The following PHACTR1 variants were observed in gnomAD, a reference collection of about 807,000 sequenced individuals.
PHACTR1 encodes the protein RPEL repeat containing 1.
PHACTR1 carries 16 observed loss-of-function variants against 69.2 expected under a neutral mutation model. The ratio of observed to expected loss-of-function variants is 0.23; its 90% confidence interval spans 0.16 to 0.35. The LOEUF is 0.35. PHACTR1 is among the 10% of genes least tolerant of loss of function. The pLI is 1.00. For synonymous variants in PHACTR1, 312 were observed against 284.5 expected, an observed-to-expected ratio of 1.10 and a Z score of -0.97; for missense variants, 510 against 734.7, an observed-to-expected ratio of 0.69 and a Z score of 3.54.
chr6:12,946,377 G>T (rs904314453), intron 4 of PHACTR1, among the ~76,000 whole-genome samples: 2 of 152,122 alleles, frequency 1.3e-5, no homozygotes, highest in Non-Finnish European at 2.9e-5. Context: ...TACTAACCTG[G>T]TTTTAGGAAG....
intron 4 of PHACTR1, among the ~76,000 whole-genome samples, chr6:12,971,973 G>C (rs1029251024): frequency 1.3e-5 from 2 of 152,208 alleles, no homozygotes; most frequent in Admixed American, 6.5e-5. Context: ...GAGAGGAAGA[G>C]AACTGACTTC....
chr6:13,287,101 T>C lies in PHACTR1; in HGVS notation c.*23T>C, dbSNP rs768525729. ...TAACAGTCGAATTCCTCTTGAGTGCTATGCTGTCTTCAAAACATAAATTTA... is the reference window on the plus strand; with the variant it reads ...TAACAGTCGAATTCCTCTTGAGTGCCATGCTGTCTTCAAAACATAAATTTA... On this transcript the variant is annotated 3_prime_UTR_variant, in exon 15 of 15. Transcript: ENST00000332995. 6.3e-7 allele frequency: 1 copy of C among 1,594,308 alleles called. No individual in the cohort carries two copies. The highest frequency in any genetic ancestry group is 2.2e-5 in the East Asian group (1 of 44,686).
At chr6:12,739,075 A>C (rs1764695242) in intron 3 of PHACTR1, among the ~76,000 whole-genome samples, 1 of 148,660 alleles carries the variant, frequency 6.7e-6, no homozygotes, top group African/African-American at 2.4e-5. Context: ...CTTCAAACTG[A>C]GTGCTGCGAC....
chr6:12,998,038 A>G (rs2127617889), intron 4 of PHACTR1, among the ~76,000 whole-genome samples: 1 of 152,356 alleles, frequency 6.6e-6, no homozygotes, highest in Non-Finnish European at 1.5e-5. Flanking sequence ...GGACTTATAC[A>G]TAAAAATATA....
At chr6:13,045,450 A>AT (rs755074011) in intron 4 of PHACTR1, among the ~76,000 whole-genome samples, 2 of 152,208 alleles carry the variant, frequency 1.3e-5, no homozygotes, top group Non-Finnish European at 2.9e-5. Context: ...ACCGTTTACA[A>AT]TCCCCCCTCC....
chr6:13,223,393 A>T (rs557863568), intron 8 of PHACTR1, among the ~76,000 whole-genome samples: 1 of 152,294 alleles, frequency 6.6e-6, no homozygotes, highest in South Asian at 2.1e-4. Flanking sequence ...CGGTGAATAG[A>T]TGGGTCTCCT....
intron 5 of PHACTR1, among the ~76,000 whole-genome samples, chr6:13,076,257 G>A (rs1810453970): frequency 6.6e-6 from 1 of 152,144 alleles, no homozygotes; most frequent in South Asian, 2.1e-4. Flanking sequence ...TGCAAGATAA[G>A]TGATTATGAA....
At chr6:12,783,571 C>G (rs1049053988) in intron 4 of PHACTR1, among the ~76,000 whole-genome samples, 1 of 152,104 alleles carries the variant, frequency 6.6e-6, no homozygotes, top group Non-Finnish European at 1.5e-5. Flanking sequence ...TTTTCAGCCT[C>G]AGGGAGCTTT....
At chr6:12,773,498 G>A (rs1230671642) in intron 4 of PHACTR1, among the ~76,000 whole-genome samples, 1 of 152,104 alleles carries the variant, frequency 6.6e-6, no homozygotes, top group Non-Finnish European at 1.5e-5. Context: ...TATAAGAAAT[G>A]CAATTTTGCT....
chr6:12,786,631 G>C (rs1029494257), intron 4 of PHACTR1, among the ~76,000 whole-genome samples: 1 of 152,204 alleles, frequency 6.6e-6, no homozygotes, highest in Admixed American at 6.5e-5. Flanking sequence ...AGAAGCTAGA[G>C]ACCTGGAAAT....
intron 3 of PHACTR1, among the ~76,000 whole-genome samples, chr6:12,747,004 C>G (rs1025156912): frequency 1.3e-5 from 2 of 152,166 alleles, no homozygotes; most frequent in African/African-American, 4.8e-5. Flanking sequence ...GATTGGTTTA[C>G]AGCCTGTTAG....
chr6:13,226,585 T>C (rs1042028235), intron 8 of PHACTR1, among the ~76,000 whole-genome samples: 1 of 152,214 alleles, frequency 6.6e-6, no homozygotes, highest in Non-Finnish European at 1.5e-5. Context: ...GTTTCTGGCT[T>C]CATATTCTAT....
intron 4 of PHACTR1, among the ~76,000 whole-genome samples, chr6:12,890,253 C>T (rs1784047254): frequency 6.6e-6 from 1 of 152,108 alleles, no homozygotes; most frequent in Non-Finnish European, 1.5e-5. Context: ...TCCTCGCCCC[C>T]AAGTTCATGG....
chr6:13,069,367 C>A (rs899666265), intron 5 of PHACTR1, among the ~76,000 whole-genome samples: 3 of 152,102 alleles, frequency 2.0e-5, no homozygotes, highest in African/African-American at 7.2e-5. Flanking sequence ...TTTAACACTT[C>A]TTTTTCTCTC....
intron 10 of PHACTR1, among the ~76,000 whole-genome samples, chr6:13,251,309 C>T (rs1440925572): frequency 1.3e-5 from 2 of 152,202 alleles, no homozygotes; most frequent in East Asian, 3.8e-4. Context: ...GTCGTTCCCT[C>T]AGGATGGAGG....
At chr6:12,983,023 T>C (rs914053529) in intron 4 of PHACTR1, among the ~76,000 whole-genome samples, 1 of 152,248 alleles carries the variant, frequency 6.6e-6, no homozygotes, top group African/African-American at 2.4e-5. Flanking sequence ...TGCTCCTGCA[T>C]ACCACAGTCA....
At chr6:13,104,830 G>A (rs183268796) in intron 5 of PHACTR1, among the ~76,000 whole-genome samples, 34 of 152,186 alleles carry the variant, frequency 2.2e-4, no homozygotes, top group Admixed American at 3.9e-4. Context: ...ATAAACCAAA[G>A]CCTGAATCTT....
chr6:13,087,542 T>C (rs573221116), intron 5 of PHACTR1, among the ~76,000 whole-genome samples: 13 of 152,166 alleles, frequency 8.5e-5, no homozygotes, highest in South Asian at 2.1e-4. Context: ...CTGACCATAT[T>C]AAGAAAATCA....
chr6:13,015,892 A>G (rs1254118535), intron 4 of PHACTR1, among the ~76,000 whole-genome samples: 1 of 152,238 alleles, frequency 6.6e-6, no homozygotes, highest in Admixed American at 6.5e-5. Flanking sequence ...GGATTCTTAA[A>G]TAGGGGAGAC....
Sources: allele counts gnomAD v4.1 joint callset (sites outside exome capture counted in the v4.1 genomes callset), GRCh38; gene constraint gnomAD v4.1.1; transcripts MANE v1.5; gene names NCBI Gene and HGNC (gene_info 2026-07-23, HGNC 2026-07-21).